RGS6: variants seen among roughly 807,000 people sequenced by gnomAD.
RGS6 encodes the protein regulator of G protein signaling 6, also known as regulator of G-protein signaling 6.
Under a neutral mutation model 78.5 loss-of-function variants are expected in RGS6, and 30 were observed. That is an observed-to-expected ratio of 0.38 (90% confidence interval 0.29 to 0.52). The LOEUF is 0.52. Ranked by LOEUF, RGS6 falls within the 20% of genes least tolerant of loss-of-function variation. The pLI, the probability that RGS6 is intolerant of heterozygous loss-of-function variation, is 0.85. For synonymous variants in RGS6, 206 were observed against 206.0 expected (o/e 1.00, Z 0.00); for missense variants, 495 against 609.7 (o/e 0.81, Z 1.98).
At chr14:72,580,236 A>G in the RGS6 span, among the ~76,000 whole-genome samples, 4 of 151,314 alleles carry the variant, frequency 2.6e-5, no homozygotes, top group African/African-American at 4.9e-5. Flanking sequence ...CCAGCATCCT[A>G]AATCTTAAAA....
intron 17 of RGS6, among the ~76,000 whole-genome samples, chr14:72,555,705 C>G (rs142620022): frequency 1.3e-5 from 2 of 152,360 alleles, no homozygotes; most frequent in East Asian, 1.9e-4. Flanking sequence ...GCAAGTTACT[C>G]AAACTCCGTT....
chr14:72,556,094 C>A (rs1456798390), intron 17 of RGS6, among the ~76,000 whole-genome samples: 1 of 149,612 alleles, frequency 6.7e-6, no homozygotes, highest in Non-Finnish European at 1.5e-5. Flanking sequence ...TTTGTAGATT[C>A]AAAAACTTTT....
chr14:72,406,627 T>C (rs1220942566), intron 3 of RGS6, among the ~76,000 whole-genome samples: 1 of 152,200 alleles, frequency 6.6e-6, no homozygotes, highest in Admixed American at 6.5e-5. Context: ...CTCCTAAAGA[T>C]GGGAAAGCTC....
the RGS6 span, among the ~76,000 whole-genome samples, chr14:71,877,957 G>A: frequency 6.6e-6 from 1 of 152,168 alleles, no homozygotes; most frequent in Non-Finnish European, 1.5e-5. Flanking sequence ...CACTCCAGAC[G>A]CTATTTGCCT....
intron 2 of RGS6, among the ~76,000 whole-genome samples, chr14:72,321,761 C>A (rs2072120426): frequency 6.6e-6 from 1 of 151,804 alleles, no homozygotes; most frequent in Admixed American, 6.6e-5. Flanking sequence ...GCTTAACAGA[C>A]AAAATAGACC....
the RGS6 span, chr14:72,629,536 G>A: frequency 7.7e-7 from 1 of 1,293,142 alleles, no homozygotes; most frequent in African/African-American, 1.5e-5. Context: ...CAGGGGCCTA[G>A]TGACAAGAGT....
chr14:71,986,646 G>A (rs1274091841), intron 2 of RGS6, among the ~76,000 whole-genome samples: 2 of 152,188 alleles, frequency 1.3e-5, no homozygotes, highest in African/African-American at 4.8e-5. Flanking sequence ...GGGAGCTCAA[G>A]GCTGCAGTGA....
At chr14:72,280,583 C>T (rs2152227888) in intron 2 of RGS6, among the ~76,000 whole-genome samples, 1 of 152,352 alleles carries the variant, frequency 6.6e-6, no homozygotes, top group East Asian at 1.9e-4. Context: ...ATGCTAGGCA[C>T]TATTCCCGGC....
At chr14:72,500,097 G>A (rs2096703948) in intron 13 of RGS6, among the ~76,000 whole-genome samples, 1 of 152,364 alleles carries the variant, frequency 6.6e-6, no homozygotes, top group South Asian at 2.1e-4. Context: ...AAAGAAGTAT[G>A]TAATCATGTA....
intron 2 of RGS6, among the ~76,000 whole-genome samples, chr14:72,251,268 G>C (rs1320446201): frequency 6.6e-6 from 1 of 152,162 alleles, no homozygotes; most frequent in Non-Finnish European, 1.5e-5. Flanking sequence ...TGAAAAGTTT[G>C]TCTGGGTATG....
At chr14:72,300,033 G>GT (rs1487586631) in intron 2 of RGS6, among the ~76,000 whole-genome samples, 3 of 151,852 alleles carry the variant, frequency 2.0e-5, no homozygotes, top group Non-Finnish European at 2.9e-5. Context: ...CTTACCCTGA[G>GT]TTTAATTTGC....
intron 2 of RGS6, among the ~76,000 whole-genome samples, chr14:72,018,402 G>A (rs978745685): frequency 6.6e-6 from 1 of 152,008 alleles, no homozygotes; most frequent in East Asian, 1.9e-4. Context: ...TTTTCTGTAG[G>A]AATTGTCTGC....
chr14:72,297,311 G>A lies in RGS6; in HGVS notation c.85-54784G>A, dbSNP rs575241948. 2.4e-4 allele frequency among the ~76,000 whole-genome samples: 36 copies of A among 151,876 alleles called. No homozygotes were observed. The South Asian group carries it at 2.5e-3, about 11-fold the overall frequency. ...ATCAGCTTATCGATTTCTACAAAAC[G>A]TCTTCAGAAATTTTAATTGAGATCT... On this transcript the variant is annotated intron_variant, in intron 2 of 17. Transcript: ENST00000553525.
intron 2 of RGS6, among the ~76,000 whole-genome samples, chr14:72,264,342 G>A (rs2058678312): frequency 6.6e-6 from 1 of 152,218 alleles, no homozygotes; most frequent in Admixed American, 6.5e-5. Context: ...AAGTATGTAA[G>A]TAAATCTGTG....
chr14:72,207,036 A>G (rs957128595), intron 2 of RGS6, among the ~76,000 whole-genome samples: 1 of 152,152 alleles, frequency 6.6e-6, no homozygotes, highest in African/African-American at 2.4e-5. Flanking sequence ...ATTAGTATAC[A>G]TTGCTTCTGT....
At chr14:72,586,911 A>C in the RGS6 span, among the ~76,000 whole-genome samples, 1 of 152,226 alleles carries the variant, frequency 6.6e-6, no homozygotes, top group African/African-American at 2.4e-5. Context: ...AAGAGGCATT[A>C]GTAATATTAC....
At chr14:72,336,844 C>T (rs2076114832) in intron 2 of RGS6, among the ~76,000 whole-genome samples, 1 of 152,094 alleles carries the variant, frequency 6.6e-6, no homozygotes, top group Non-Finnish European at 1.5e-5. Context: ...TCTCTCTGGC[C>T]TGTAGATGAC....
At chr14:72,450,061 G>GAA (rs879527090) in intron 3 of RGS6, among the ~76,000 whole-genome samples, 1 of 152,110 alleles carries the variant, frequency 6.6e-6, no homozygotes, top group Admixed American at 6.5e-5. Flanking sequence ...ATACAGAAAT[G>GAA]TAAAGAATAG....
intron 12 of RGS6, among the ~76,000 whole-genome samples, chr14:72,486,810 A>G (rs752404807): frequency 6.6e-5 from 10 of 152,162 alleles, no homozygotes; most frequent in Non-Finnish European, 1.5e-4. Context: ...CAGACTAAAG[A>G]GACAGGAGAG....
Sources: allele counts gnomAD v4.1 joint callset (sites outside exome capture counted in the v4.1 genomes callset), GRCh38; gene constraint gnomAD v4.1.1; transcripts MANE v1.5; gene names NCBI Gene and HGNC (gene_info 2026-07-23, HGNC 2026-07-21).